CDH4: variants seen among roughly 807,000 people sequenced by gnomAD.
CDH4 encodes the protein cadherin-4.
CDH4 carries 33 observed loss-of-function variants against 86.0 expected under a neutral mutation model. That is an observed-to-expected ratio of 0.38 (90% CI 0.29 to 0.51). CDH4 has a LOEUF of 0.51. Among genes scored for constraint, CDH4 ranks in the 20% least tolerant of loss-of-function variants. CDH4 has a pLI of 0.86. For missense variants in CDH4, 1,114 were observed against 1,307.4 expected (o/e 0.85, Z 2.28); for synonymous variants, 555 against 549.4 (o/e 1.01, Z -0.14).
At chr20:61,287,164 G>T (rs1429200707) in intron 2 of CDH4, among the ~76,000 whole-genome samples, 1 of 152,204 alleles carries the variant, frequency 6.6e-6, no homozygotes, top group Non-Finnish European at 1.5e-5. Flanking sequence ...CTTGTCATGT[G>T]GTGAAGTGAG....
chr20:61,336,242 CT>C (rs915005201), intron 2 of CDH4, among the ~76,000 whole-genome samples: 220 of 152,050 alleles, frequency 1.4e-3, no homozygotes, highest in Non-Finnish European at 2.5e-3. Context: ...CTCAATAAGC[CT>C]TTTTTTTCTT....
At chr20:61,483,716 G>T (rs1383935786) in intron 2 of CDH4, among the ~76,000 whole-genome samples, 1 of 109,046 alleles carries the variant, frequency 9.2e-6, no homozygotes, top group Non-Finnish European at 1.7e-5. Flanking sequence ...CACACAAATA[G>T]CCTAAGACCT....
At chr20:61,704,134 G>T (rs1014372209) in intron 2 of CDH4, among the ~76,000 whole-genome samples, 1 of 152,072 alleles carries the variant, frequency 6.6e-6, no homozygotes, top group African/African-American at 2.4e-5. Context: ...TGGGGGTCAG[G>T]ACAGTCCTCG....
intron 2 of CDH4, among the ~76,000 whole-genome samples, chr20:61,337,710 G>A (rs2084627563): frequency 6.6e-6 from 1 of 152,096 alleles, no homozygotes; most frequent in Non-Finnish European, 1.5e-5. Flanking sequence ...TGGGAAGCTT[G>A]ACATTCCATT....
At chr20:61,481,620 A>G (rs1463947049) in intron 2 of CDH4, among the ~76,000 whole-genome samples, 1 of 152,222 alleles carries the variant, frequency 6.6e-6, no homozygotes, top group African/African-American at 2.4e-5. Flanking sequence ...AGCTTTGAGG[A>G]AGCAAAAAAT....
intron 2 of CDH4, among the ~76,000 whole-genome samples, chr20:61,477,839 G>T (rs1158999627): frequency 6.6e-6 from 1 of 152,180 alleles, no homozygotes; most frequent in Non-Finnish European, 1.5e-5. Context: ...TCCCGTTGCT[G>T]GGTGAATGCT....
intron 2 of CDH4, among the ~76,000 whole-genome samples, chr20:61,532,281 A>G (rs1303479127): frequency 1.3e-5 from 2 of 152,178 alleles, no homozygotes; most frequent in African/African-American, 4.8e-5. Flanking sequence ...GCGGGACTGC[A>G]CCTAAACTAA....
At position 61,522,675 on chromosome 20, in the gene CDH4, G is replaced by A. The variant is rs550700289; in HGVS notation, c.170-220888G>A. ...CTGCACGCACGGCGCAGTCCGGGTGGGAGCCAGCGCTGCCCTTGTTCACCC... is the reference window on the plus strand; with the variant it reads ...CTGCACGCACGGCGCAGTCCGGGTGAGAGCCAGCGCTGCCCTTGTTCACCC... On this transcript the variant is annotated intron_variant, in intron 2 of 15. Coordinates refer to ENST00000614565, the MANE Select transcript of CDH4 (RefSeq NM_001794.5). Among the ~76,000 whole-genome samples the A allele has an allele frequency of 1.6e-4, 25 of 152,352 alleles. No individual in the cohort carries two copies. In the South Asian group the frequency reaches 5.2e-3, roughly 32 times the overall value.
At chr20:61,763,131 C>G (rs981307560) in intron 3 of CDH4, among the ~76,000 whole-genome samples, 1 of 152,200 alleles carries the variant, frequency 6.6e-6, no homozygotes, top group Non-Finnish European at 1.5e-5. Flanking sequence ...GACCTATCGC[C>G]AAAGGTCGGG....
At chr20:61,285,281 G>C (rs942461272) in intron 2 of CDH4, among the ~76,000 whole-genome samples, 1 of 152,226 alleles carries the variant, frequency 6.6e-6, no homozygotes, top group Non-Finnish European at 1.5e-5. Context: ...AAGCAGCAGA[G>C]CTGGGCATCG....
At chr20:61,465,927 C>T (rs74532863) in intron 2 of CDH4, among the ~76,000 whole-genome samples, 1 of 150,474 alleles carries the variant, frequency 6.6e-6, no homozygotes, top group East Asian at 2.0e-4. Context: ...TCTCTATAGG[C>T]CAGTTTCCAA....
Position 61,307,745 on chromosome 20 carries a change from C to T in CDH4, c.169+52808C>T, listed in dbSNP as rs1474744328. 2.0e-5 allele frequency among the ~76,000 whole-genome samples: 3 copies of T among 152,160 alleles called. No homozygotes were observed. The East Asian group carries it at 5.8e-4, about 29-fold the overall frequency. ...CTAGGTGTCCTGAGCCTGTAGCCTG[C>T]CTGTCTGCTGGTGTCCTGCAGGGCT... On this transcript the variant is annotated intron_variant, in intron 2 of 15. Coordinates refer to ENST00000614565, the MANE Select transcript of CDH4 (RefSeq NM_001794.5).
intron 2 of CDH4, among the ~76,000 whole-genome samples, chr20:61,383,301 A>T (rs1340481609): frequency 1.5e-5 from 1 of 64,646 alleles, no homozygotes; most frequent in Non-Finnish European, 3.6e-5. Context: ...AATATATGTG[A>T]TATATATGAA....
intron 8 of CDH4, 141 bp downstream of exon 8, chr20:61,895,188 G>A (rs542643194): frequency 9.3e-5 from 95 of 1,016,770 alleles, no homozygotes; most frequent in South Asian, 7.0e-4. Context: ...CCTGGGCAGC[G>A]GAGGCTGCTG....
At chr20:61,500,073 C>T (rs2085689710) in intron 2 of CDH4, among the ~76,000 whole-genome samples, 1 of 152,204 alleles carries the variant, frequency 6.6e-6, no homozygotes, top group Admixed American at 6.5e-5. Flanking sequence ...GCTGTCACTT[C>T]CCTGTCGGAA....
At chr20:61,556,480 G>A (rs1261402891) in intron 2 of CDH4, among the ~76,000 whole-genome samples, 2 of 152,142 alleles carry the variant, frequency 1.3e-5, no homozygotes, top group Non-Finnish European at 2.9e-5. Context: ...ACAGCAGAAG[G>A]ATCTTTTAAG....
At chr20:61,606,844 G>A (rs2086649548) in intron 2 of CDH4, among the ~76,000 whole-genome samples, 1 of 152,394 alleles carries the variant, frequency 6.6e-6, no homozygotes, top group African/African-American at 2.4e-5. Flanking sequence ...TCCCTGGTGG[G>A]ATGGATAGTG....
In CDH4 at chr20:61,565,219, GGT is replaced by G. The variant is rs1491159952; in HGVS notation, c.170-178343_170-178342del. The stretch of plus-strand genomic sequence containing the variant: ...TGGTGGTGGTCGCGGTGCTCTCGGT[GGT>G]AGGTGGTGGTGGTGGTGGTGGCGGT... On this transcript the variant is annotated intron_variant, in intron 2 of 15. Coordinates refer to ENST00000614565, the MANE Select transcript of CDH4 (RefSeq NM_001794.5). Among the ~76,000 whole-genome samples, 29 of 23,352 alleles carry G rather than the reference GGT, an allele frequency of 1.2e-3. 6 individuals carry two copies. The highest frequency in any genetic ancestry group is 2.0e-3 in the Non-Finnish European group (22 of 11,230). The allele number at this position is 23,352 out of a possible 152,430, so 15.3% of individuals were successfully genotyped here.
intron 2 of CDH4, among the ~76,000 whole-genome samples, chr20:61,382,239 A>G (rs1472851320): frequency 6.6e-6 from 1 of 152,224 alleles, no homozygotes; most frequent in Non-Finnish European, 1.5e-5. Flanking sequence ...CTTGATGCCT[A>G]TTGACTGCCT....
Sources: allele counts gnomAD v4.1 joint callset (sites outside exome capture counted in the v4.1 genomes callset), GRCh38; gene constraint gnomAD v4.1.1; transcripts MANE v1.5; gene names NCBI Gene and HGNC (gene_info 2026-07-23, HGNC 2026-07-21).